NRK: variants seen among roughly 807,000 people sequenced by gnomAD.
The protein encoded by NRK is Nik related kinase.
In NRK, 67 loss-of-function variants were observed where a neutral mutation model predicts 125.2. That is an observed-to-expected ratio of 0.54 (90% CI 0.44 to 0.66). The LOEUF is 0.66. NRK is among the 30% of genes least tolerant of loss of function. The pLI is 0.00. For synonymous variants in NRK, 458 were observed against 429.0 expected, an observed-to-expected ratio of 1.07 and a Z score of -0.84; for missense variants, 1,224 against 1,192.9, an observed-to-expected ratio of 1.03 and a Z score of -0.38.
In NRK at chrX:105,924,744, A is replaced by G; in HGVS notation, c.3025A>G (p.Ser1009Gly). 5 of 1,203,210 alleles carry G rather than the reference A, an allele frequency of 4.2e-6. No homozygotes were observed. Among genetic ancestry groups the G allele is most frequent in the Non-Finnish European group, 5.6e-6 (5 of 890,945 alleles). Residue 1009 changes from serine (S) to glycine (G), a missense_variant, in exon 19 of 29, where the codon AGT (serine) becomes GGT (glycine). Physicochemically the swap from Ser to Gly is moderately conservative, Grantham distance 56 (BLOSUM62 0). Coordinates refer to ENST00000243300, the MANE Select transcript of NRK (RefSeq NM_198465.4). ...GSCKQDGYDG[S>G]RGKEEAYRGY... ...CTGCAAGCAAGATGGTTATGATGGA[A>G]GTCGTGGAAAAGAGGAAGCCTACAG... is the stretch of plus-strand genomic sequence containing the variant.
chrX:105,954,305 C>G (rs1319527084), intron 28 of NRK, among the ~76,000 whole-genome samples: 4 of 110,376 alleles, frequency 3.6e-5, no homozygotes, highest in African/African-American at 1.3e-4. Context: ...GCCCTGCATC[C>G]CCCTCTGTAT....
chrX:105,909,942 T>G (rs2040277262), intron 13 of NRK, 60 bp downstream of exon 13: 1 of 970,224 alleles, frequency 1.0e-6, no homozygotes, highest in Non-Finnish European at 1.4e-6. Flanking sequence ...TGATAGCTCA[T>G]GCGGATGTTT....
chrX:105,895,363 C>CAGAAAGAAAGAAAGAA lies in NRK; in HGVS notation c.490-52_490-37dup, dbSNP rs111844831. On this transcript the variant is annotated intron_variant, in intron 6 of 28. Coordinates refer to ENST00000243300, the MANE Select transcript of NRK (RefSeq NM_198465.4). ...TTTCCAAAAATACTAAGAACTGTAC[C>CAGAAAGAAAGAAAGAA]AGAAAGAAAGAAAGAAAGAAAGAAA... 1.3e-5 allele frequency: 10 copies of CAGAAAGAAAGAAAGAA among 776,582 alleles called. No individual in the cohort carries two copies. The African/African-American group carries it at 1.6e-4, about 12-fold the overall frequency. The allele number at this position is 776,582 out of a possible 1,213,427, so 64.0% of individuals were successfully genotyped here. A position where few individuals can be genotyped will look rare whatever the true frequency, so the allele number is the denominator to read the frequency against.
intron 26 of NRK, among the ~76,000 whole-genome samples, chrX:105,947,936 T>C (rs2040838857): frequency 1.8e-5 from 2 of 112,200 alleles, no homozygotes; most frequent in Admixed American, 9.4e-5. Flanking sequence ...CATGATTATA[T>C]AGAAATCACA....
intron 2 of NRK, among the ~76,000 whole-genome samples, chrX:105,876,436 A>G (rs2039817019): frequency 9.0e-6 from 1 of 110,694 alleles, no homozygotes; most frequent in Non-Finnish European, 1.9e-5. Context: ...CATTCTTTGT[A>G]CTCAAACTCT....
In NRK at chrX:105,924,790, C is replaced by A. The variant is rs2040501202; in HGVS notation, c.3071C>A (p.Ala1024Asp). 2.5e-6 allele frequency: 3 copies of A among 1,208,652 alleles called. No individual in the cohort carries two copies. The highest frequency in any genetic ancestry group is 3.4e-6 in the Non-Finnish European group (3 of 893,644). Residue 1024 changes from alanine (A) to aspartate (D), a missense_variant, in exon 19 of 29, where the codon GCC (alanine) becomes GAC (aspartate). By Grantham distance (126) the Ala-to-Asp change is moderately radical (BLOSUM62 -2). Transcript: ENST00000243300. ...EAYRGYGSHT[A>D]NRSHGGSAAS... ...TACAGAGGCTATGGAAGCCATACAG[C>A]CAATAGAAGCCATGGAGGAAGTGCA...
At chrX:105,840,109 CTG>C (rs1347469734) in intron 2 of NRK, among the ~76,000 whole-genome samples, 1 of 111,771 alleles carries the variant, frequency 8.9e-6, no homozygotes, top group African/African-American at 3.2e-5. Flanking sequence ...AACTCTCCAA[CTG>C]TGGAATAGAA....
chrX:105,853,971 G>A (rs191297070), intron 2 of NRK, among the ~76,000 whole-genome samples: 131 of 112,038 alleles, frequency 1.2e-3, no homozygotes, highest in African/African-American at 3.8e-3. Flanking sequence ...CAGTAGAGTA[G>A]CATTTTGGGG....
intron 2 of NRK, among the ~76,000 whole-genome samples, chrX:105,854,923 CATG>C (rs749334054): frequency 8.9e-6 from 1 of 112,004 alleles, no homozygotes; most frequent in African/African-American, 3.2e-5. Flanking sequence ...TTAAATTAAG[CATG>C]ATAATACTTA....
intron 4 of NRK, among the ~76,000 whole-genome samples, chrX:105,885,691 T>TA (rs745370655): frequency 6.1e-4 from 68 of 111,836 alleles, no homozygotes; most frequent in African/African-American, 1.9e-3. Context: ...CACTCCACTA[T>TA]AATTAATATG....
At chrX:105,921,806 C>T (rs2040452427) in intron 16 of NRK, among the ~76,000 whole-genome samples, 158 bp from the exon 17 acceptor site, 1 of 107,694 alleles carries the variant, frequency 9.3e-6, no homozygotes. Flanking sequence ...GATCCTGGCC[C>T]CATGAGAATT....
At chrX:105,943,407 T>C (rs1211108504) in intron 23 of NRK, among the ~76,000 whole-genome samples, 1 of 112,280 alleles carries the variant, frequency 8.9e-6, no homozygotes, top group Non-Finnish European at 1.9e-5. Flanking sequence ...TTTAGTACCA[T>C]ACTGCTTTGA....
rs1478007089 is a variant in NRK, at chrX:105,956,683, A to C, written c.*1083A>C. ...AGTTCATGTGTAACGACTTAATGTT[A>C]AAGGTTAAAAAAAAGATTTCACAAA... On this transcript the variant is annotated 3_prime_UTR_variant, in exon 29 of 29. Coordinates refer to ENST00000243300, the MANE Select transcript of NRK (RefSeq NM_198465.4). 2.7e-5 allele frequency: 3 copies of C among 112,166 alleles called. No individual in the cohort carries two copies. Among genetic ancestry groups the C allele is most frequent in the Non-Finnish European group, 5.6e-5 (3 of 53,231 alleles). The allele number at this position is 112,166 out of a possible 1,213,427, so 9.2% of individuals were successfully genotyped here.
In NRK at chrX:105,917,659, G is replaced by T. The variant is rs1449077434; in HGVS notation, c.2499G>T (p.Trp833Cys). ...RQRSSQNRQN[W>C]LAASESSSEE... ...GGAGTTCGCAAAATCGTCAAAATTG[G>T]CTGGCAGCATCAGGTGATTCAAAGC... Residue 833 changes from tryptophan (W) to cysteine (C), a missense_variant, in exon 16 of 29, where the codon TGG (tryptophan) becomes TGT (cysteine). Physicochemically the swap from Trp to Cys is radical, Grantham distance 215. Transcript: ENST00000243300. 8.8e-7 allele frequency: 1 copy of T among 1,138,840 alleles called. No homozygotes were observed. The allele number at this position is 1,138,840 out of a possible 1,213,427, so 93.9% of individuals were successfully genotyped here.
chrX:105,931,380 A>G (rs897106473), intron 19 of NRK, among the ~76,000 whole-genome samples: 5 of 111,807 alleles, frequency 4.5e-5, no homozygotes, highest in Non-Finnish European at 1.9e-5. Context: ...GGAAATGCAC[A>G]ACTTTTGCTC....
chrX:105,863,351 CACACACAT>C (rs1318365793), intron 2 of NRK, among the ~76,000 whole-genome samples: 2 of 83,795 alleles, frequency 2.4e-5, no homozygotes, highest in Non-Finnish European at 4.7e-5. Context: ...CACACACACA[CACACACAT>C]ACTATTTTAA....
At chrX:105,934,212 G>A (rs780045823) in intron 19 of NRK, 46 bp from the exon 20 acceptor site, 28 of 890,788 alleles carry the variant, frequency 3.1e-5, no homozygotes, top group Non-Finnish European at 3.7e-5. Flanking sequence ...TTCTCCCACT[G>A]TTAACCTACT....
At chrX:105,950,571 T>C (rs1383685919) in intron 27 of NRK, among the ~76,000 whole-genome samples, 1 of 98,534 alleles carries the variant, frequency 1.0e-5, no homozygotes, top group Non-Finnish European at 2.0e-5. Context: ...TGTGTGTGTG[T>C]GTGTGTGGAG....
chrX:105,909,002 A>C lies in NRK; in HGVS notation c.1361A>C (p.Lys454Thr). 1 of 1,209,129 alleles carries C rather than the reference A, an allele frequency of 8.3e-7. No individual in the cohort carries two copies. Among genetic ancestry groups the C allele is most frequent in the South Asian group, 1.8e-5 (1 of 56,830 alleles). Residue 454 changes from lysine (K) to threonine (T), a missense_variant, in exon 13 of 29, where the codon AAG (lysine) becomes ACG (threonine). Lys to Thr is a moderately conservative substitution (Grantham distance 78). Transcript: ENST00000243300. ...RVFMPLQAQV[K>T]AKASKPLQMQ... ...TTCATGCCACTACAGGCTCAGGTGAAGGCTAAGGCCTCTAAACCTCTACAA... is the reference window on the plus strand; with the variant it reads ...TTCATGCCACTACAGGCTCAGGTGACGGCTAAGGCCTCTAAACCTCTACAA...
Sources: allele counts gnomAD v4.1 joint callset (sites outside exome capture counted in the v4.1 genomes callset), GRCh38; gene constraint gnomAD v4.1.1; transcripts MANE v1.5; gene names NCBI Gene and HGNC (gene_info 2026-07-23, HGNC 2026-07-21).